Variants in PCDHA8 observed in about 807,000 individuals in gnomAD.
The protein encoded by PCDHA8 is protocadherin alpha 8, also known as protocadherin alpha-8.
Under a neutral mutation model 61.8 loss-of-function variants are expected in PCDHA8, and 53 were observed. That is an observed-to-expected ratio of 0.86 (90% confidence interval 0.69 to 1.08). The LOEUF (loss-of-function observed/expected upper bound fraction) is 1.08, where lower values mean the gene tolerates loss of function less well. PCDHA8 is among the 50% of genes least tolerant of loss of function. The pLI, the probability that PCDHA8 is intolerant of heterozygous loss-of-function variation, is 0.00. For synonymous variants in PCDHA8, 618 were observed against 556.6 expected, an observed-to-expected ratio of 1.11 and a Z score of -1.55; for missense variants, 1,293 against 1,245.0, an observed-to-expected ratio of 1.04 and a Z score of -0.58.
intron 1 of PCDHA8, among the ~76,000 whole-genome samples, chr5:140,924,127 A>G (rs2081688492): frequency 6.6e-6 from 1 of 152,252 alleles, no homozygotes; most frequent in African/African-American, 2.4e-5. Flanking sequence ...CTTGCTTAGC[A>G]GCATTAATTT....
chr5:140,950,279 C>G (rs938821559), intron 1 of PCDHA8, among the ~76,000 whole-genome samples: 11 of 151,924 alleles, frequency 7.2e-5, no homozygotes, highest in African/African-American at 2.4e-4. Flanking sequence ...TGTCTTTTTG[C>G]TTCAACCTGA....
rs1554149241 is a variant in PCDHA8, at chr5:140,856,873, A to C, written c.2394+13158A>C. The C allele has an allele frequency of 1.9e-6, 3 of 1,595,922 alleles. 1 individual carries two copies. The African/African-American group carries it at 4.0e-5, about 21-fold the overall frequency. On this transcript the variant is annotated intron_variant, in intron 1 of 3. Transcript: ENST00000531613. ...ATTCGGATGAAGGAATAAACAAGGA[A>C]ATGATGTATTCATTTAGCTCTTTGG...
chr5:141,008,985 A>C (rs566679512), intron 3 of PCDHA8, among the ~76,000 whole-genome samples: 1 of 152,240 alleles, frequency 6.6e-6, no homozygotes, highest in Non-Finnish European at 1.5e-5. Context: ...AGTTTAATCT[A>C]GACACTAAAA....
chr5:140,891,468 T>C (rs1459925727), intron 1 of PCDHA8, among the ~76,000 whole-genome samples: 1 of 151,582 alleles, frequency 6.6e-6, no homozygotes, highest in Non-Finnish European at 1.5e-5. Context: ...TGTGAATTAA[T>C]GCCTTTACAT....
At chr5:140,941,247 CT>C (rs1398354432) in intron 1 of PCDHA8, among the ~76,000 whole-genome samples, 1 of 128,506 alleles carries the variant, frequency 7.8e-6, no homozygotes, top group African/African-American at 2.9e-5. Context: ...TTCTTTCTTT[CT>C]TTCTTTCTCT....
chr5:141,010,438 CAAAT>C lies in PCDHA8; in HGVS notation c.*505_*508del, dbSNP rs2098417279. On this transcript the variant is annotated 3_prime_UTR_variant, in exon 4 of 4. Transcript: ENST00000531613. ...TACAAGGAAGGCAAGAAAACAAAGA[CAAAT>C]AAACAGCGGAAGTTATCAGTATGGA... 2.0e-6 allele frequency: 2 copies of C among 998,926 alleles called. No homozygotes were observed. The highest frequency in any genetic ancestry group is 2.8e-6 in the Non-Finnish European group (2 of 704,790). The allele number at this position is 998,926 out of a possible 1,614,324, so 61.9% of individuals were successfully genotyped here.
rs116577362 is a variant in PCDHA8 at position 140,863,312 on chromosome 5, T to G, written c.2394+19597T>G. On this transcript the variant is annotated intron_variant, in intron 1 of 3. Transcript: ENST00000531613. ...TACCTGATCATCGCCATCTGCGTGGTGTCCAGCCTGTTAGTGCTCACGTTG... is the reference window on the plus strand; with the variant it reads ...TACCTGATCATCGCCATCTGCGTGGGGTCCAGCCTGTTAGTGCTCACGTTG... 14,488 of 1,456,150 alleles carry G rather than the reference T, an allele frequency of 9.9e-3. 118 individuals are homozygous for G. The highest frequency in any genetic ancestry group is 0.011 in the Non-Finnish European group (11,650 of 1,073,394). 90.2% of individuals were successfully genotyped at this position (1,456,150 alleles called of 1,614,324 possible). A position where few individuals can be genotyped will look rare whatever the true frequency, so the allele number is the denominator to read the frequency against.
At chr5:140,947,811 A>G (rs1554218329) in intron 1 of PCDHA8, among the ~76,000 whole-genome samples, 1 of 151,582 alleles carries the variant, frequency 6.6e-6, no homozygotes, top group Admixed American at 6.6e-5. Flanking sequence ...TGCAGAGACT[A>G]TTTCTTCCTT....
At chr5:140,846,469 G>T (rs1554141344) in intron 1 of PCDHA8, among the ~76,000 whole-genome samples, 1 of 143,096 alleles carries the variant, frequency 7.0e-6, no homozygotes, top group Non-Finnish European at 1.5e-5. Flanking sequence ...CTGCCTCCCG[G>T]GTTCAAATGA....
intron 1 of PCDHA8, chr5:140,876,005 T>C: frequency 6.2e-7 from 1 of 1,613,854 alleles, no homozygotes; most frequent in African/African-American, 1.3e-5. Context: ...AATGAGAATT[T>C]TGAGCTTAAA....
intron 1 of PCDHA8, among the ~76,000 whole-genome samples, chr5:140,934,191 C>T (rs563342404): frequency 6.6e-6 from 1 of 152,224 alleles, no homozygotes; most frequent in African/African-American, 2.4e-5. Flanking sequence ...ACATACTTTT[C>T]ATTTCTATTT....
chr5:140,844,193 C>G (rs2150369320), intron 1 of PCDHA8, among the ~76,000 whole-genome samples: 1 of 149,542 alleles, frequency 6.7e-6, no homozygotes, highest in East Asian at 1.9e-4. Flanking sequence ...TCTTATCTGA[C>G]TTTTTAGTGT....
intron 1 of PCDHA8, among the ~76,000 whole-genome samples, chr5:140,955,475 C>T (rs246017): frequency 0.56 from 85,566 of 151,816 alleles, 24,719 homozygotes; most frequent in African/African-American, 0.69. Context: ...TGCTTGGCAC[C>T]TCTCCTTCCT....
intron 1 of PCDHA8, chr5:140,929,563 G>A: frequency 2.1e-6 from 1 of 470,088 alleles, no homozygotes; most frequent in Non-Finnish European, 3.6e-6. Context: ...ACCTATTTAA[G>A]AACAATAAAA....
chr5:140,966,862 G>C lies in PCDHA8; in HGVS notation c.2395-12087G>C, dbSNP rs782810195. On this transcript the variant is annotated intron_variant, in intron 1 of 3. Transcript: ENST00000531613. ...TGCTACTGCCTCTCCTGCTGCTGTTGCTGCTGCTGCTACCTGGCCCTGCGG... is the reference window on the plus strand; with the variant it reads ...TGCTACTGCCTCTCCTGCTGCTGTTCCTGCTGCTGCTACCTGGCCCTGCGG... The C allele has an allele frequency of 1.2e-5, 18 of 1,562,198 alleles. No individual in the cohort carries two copies. Among genetic ancestry groups the C allele is most frequent in the Non-Finnish European group, 1.5e-5 (18 of 1,164,444 alleles).
At chr5:140,900,192 A>G (rs1280412667) in intron 1 of PCDHA8, among the ~76,000 whole-genome samples, 2 of 152,186 alleles carry the variant, frequency 1.3e-5, no homozygotes, top group African/African-American at 2.4e-5. Flanking sequence ...ACTTATAATG[A>G]CATCCAGTTT....
chr5:140,929,154 T>C (rs1005551092), intron 1 of PCDHA8: 3 of 1,614,180 alleles, frequency 1.9e-6, no homozygotes, highest in Non-Finnish European at 1.7e-6. Context: ...CTCAGACTTA[T>C]CTCTATCGGG....
intron 1 of PCDHA8, chr5:140,869,400 C>T (rs782134920): frequency 1.2e-6 from 2 of 1,614,026 alleles, no homozygotes; most frequent in African/African-American, 2.7e-5. Flanking sequence ...GCGGGCAGAG[C>T]GCGGAGTGCA....
intron 1 of PCDHA8, chr5:140,928,628 T>G: frequency 6.2e-7 from 1 of 1,614,222 alleles, no homozygotes; most frequent in Non-Finnish European, 8.5e-7. Context: ...ACTGGACACT[T>G]GGTCACAAAA....
Sources: allele counts gnomAD v4.1 joint callset (sites outside exome capture counted in the v4.1 genomes callset), GRCh38; gene constraint gnomAD v4.1.1; transcripts MANE v1.5; gene names NCBI Gene and HGNC (gene_info 2026-07-23, HGNC 2026-07-21).